Variants in IQGAP1 observed in about 807,000 individuals in gnomAD.
IQGAP1 encodes ras GTPase-activating-like protein IQGAP1.
In IQGAP1, 66 loss-of-function variants were observed where a neutral mutation model predicts 215.6. The ratio of observed to expected loss-of-function variants is 0.31; its 90% CI spans 0.25 to 0.38. The LOEUF (loss-of-function observed/expected upper bound fraction) is 0.38, where lower values mean the gene tolerates loss of function less well. Among genes scored for constraint, IQGAP1 ranks in the 10% least tolerant of loss-of-function variants. The pLI is 1.00. For synonymous variants in IQGAP1, 772 were observed against 728.7 expected (o/e 1.06, Z -0.96); for missense variants, 1,712 against 1,997.1 (o/e 0.86, Z 2.72).
At chr15:90,425,735 A>G (rs1247677348) in intron 2 of IQGAP1, among the ~76,000 whole-genome samples, 1 of 152,234 alleles carries the variant, frequency 6.6e-6, no homozygotes, top group Non-Finnish European at 1.5e-5. Flanking sequence ...AAGCTTCTGA[A>G]CAGTTGAAAT....
At chr15:90,484,817 G>C (rs1966105174) in intron 30 of IQGAP1, among the ~76,000 whole-genome samples, 1 of 152,048 alleles carries the variant, frequency 6.6e-6, no homozygotes, top group Admixed American at 6.6e-5. Context: ...CCTTTTGCTT[G>C]TTATTCTTAA....
At chr15:90,398,032 T>C (rs1442379030) in intron 2 of IQGAP1, among the ~76,000 whole-genome samples, 1 of 151,786 alleles carries the variant, frequency 6.6e-6, no homozygotes, top group Non-Finnish European at 1.5e-5. Flanking sequence ...TACAGGTGCC[T>C]ACCACCATAC....
intron 37 of IQGAP1, among the ~76,000 whole-genome samples, chr15:90,498,141 C>G (rs1421672758): frequency 6.6e-6 from 1 of 151,834 alleles, no homozygotes; most frequent in Admixed American, 6.6e-5. Flanking sequence ...GGTGGTTTCC[C>G]CTTCGCTTCT....
chr15:90,396,044 G>A (rs1255190570), intron 2 of IQGAP1, among the ~76,000 whole-genome samples: 1 of 152,218 alleles, frequency 6.6e-6, no homozygotes, highest in Non-Finnish European at 1.5e-5. Context: ...GAGACTGTCA[G>A]CAACTCCACG....
chr15:90,483,964 G>C (rs975903152), intron 29 of IQGAP1, among the ~76,000 whole-genome samples: 1 of 152,152 alleles, frequency 6.6e-6, no homozygotes, highest in African/African-American at 2.4e-5. Context: ...TTCTCCTAAT[G>C]GTGTCTGGAA....
intron 18 of IQGAP1, among the ~76,000 whole-genome samples, chr15:90,470,427 T>C (rs1965889513): frequency 1.3e-5 from 2 of 152,208 alleles, no homozygotes; most frequent in South Asian, 2.1e-4. Flanking sequence ...AAGGCTCTGA[T>C]TCTAGTGCGA....
At chr15:90,456,915 T>G (rs1965690385) in intron 15 of IQGAP1, among the ~76,000 whole-genome samples, 1 of 142,688 alleles carries the variant, frequency 7.0e-6, no homozygotes, top group African/African-American at 2.7e-5. Context: ...TATATATGTG[T>G]GTGTGTGTGT....
intron 15 of IQGAP1, 40 bp from the exon 16 acceptor site, chr15:90,465,961 G>A (rs779887571): frequency 1.3e-6 from 2 of 1,507,136 alleles, no homozygotes; most frequent in South Asian, 1.1e-5. Context: ...CATGTACCCT[G>A]ATTTCATGAC....
intron 5 of IQGAP1, among the ~76,000 whole-genome samples, 196 bp from the exon 6 acceptor site, chr15:90,439,136 C>T (rs1214244340): frequency 2.1e-5 from 3 of 145,908 alleles, no homozygotes; most frequent in Admixed American, 6.8e-5. Flanking sequence ...CTTTTTAGGA[C>T]AATGTTGTCA....
rs1024331911 is a variant in IQGAP1 at position 90,486,020 on chromosome 15, G to T, written c.3922-10G>T. On this transcript the variant is annotated splice_polypyrimidine_tract_variant and intron_variant, in intron 30 of 37. Transcript: ENST00000268182. Reference sequence around the variant, plus strand: ...AATGTATAAATGGAGTTGATCATTGGTGTTTGCAGCTCCTGTTGGATCACC... The same window carrying T: ...AATGTATAAATGGAGTTGATCATTGTTGTTTGCAGCTCCTGTTGGATCACC... 1.9e-6 allele frequency: 3 copies of T among 1,605,432 alleles called. No homozygotes were observed. Among genetic ancestry groups the T allele is most frequent in the African/African-American group, 1.3e-5 (1 of 74,856 alleles).
rs769659424 is a variant in IQGAP1 at position 90,433,805 on chromosome 15, T to G, written c.467+10T>G. The G allele has an allele frequency of 1.0e-5, 16 of 1,538,774 alleles. No individual in the cohort carries two copies. The highest frequency in any genetic ancestry group is 8.9e-6 in the Non-Finnish European group (10 of 1,123,160). ...GTATCCATGCACTCAGGTAGTCAAA[T>G]TTTCTTGGCAAAATAAGGAAATTAT... On this transcript the variant is annotated intron_variant, in intron 5 of 37. Coordinates refer to ENST00000268182, the MANE Select transcript of IQGAP1 (RefSeq NM_003870.4).
chr15:90,463,623 G>A (rs955975193), intron 15 of IQGAP1, among the ~76,000 whole-genome samples: 10 of 152,174 alleles, frequency 6.6e-5, no homozygotes, highest in African/African-American at 2.2e-4. Flanking sequence ...AATAGAAAGC[G>A]ACTAGTGGTA....
At chr15:90,404,448 C>G (rs543168908) in intron 2 of IQGAP1, among the ~76,000 whole-genome samples, 120 of 152,276 alleles carry the variant, frequency 7.9e-4, no homozygotes, top group African/African-American at 2.8e-3. Flanking sequence ...TTTGTATGTT[C>G]TTTTCTGTGA....
chr15:90,455,587 C>T (rs1021555835), intron 14 of IQGAP1, among the ~76,000 whole-genome samples: 5 of 152,144 alleles, frequency 3.3e-5, no homozygotes, highest in African/African-American at 9.7e-5. Context: ...GGGGAGTGAA[C>T]GTTCCTAATT....
chr15:90,430,983 C>T (rs985349123), intron 4 of IQGAP1, among the ~76,000 whole-genome samples: 1 of 145,976 alleles, frequency 6.9e-6, no homozygotes, highest in Non-Finnish European at 1.5e-5. Flanking sequence ...TATAATTTTA[C>T]AATATTATAT....
chr15:90,474,521 A>T lies in IQGAP1; in HGVS notation c.2612A>T (p.Lys871Ile). The change falls in exon 23 of 38, where the codon AAA becomes ATA. Residue 871 changes from lysine to isoleucine, a missense_variant. Physicochemically the swap from Lys to Ile is moderately radical, Grantham distance 102. This residue lies in a region of IQGAP1 where 1,021 missense variants were observed against 1,074.2 expected (regional missense o/e 0.95). Coordinates refer to ENST00000268182, the MANE Select transcript of IQGAP1 (RefSeq NM_003870.4). ...GATCCTCCTATGGTTGTGGTCCGAA[A>T]ATTTGTCCACCTGCTGGACCAAAGT... is the stretch of plus-strand genomic sequence containing the variant. ...AEDPPMVVVR[K>I]FVHLLDQSDQ... The T allele has an allele frequency of 2.5e-6, 4 of 1,614,130 alleles. No homozygotes were observed. Among genetic ancestry groups the T allele is most frequent in the Non-Finnish European group, 1.7e-6 (2 of 1,180,014 alleles).
chr15:90,474,200 C>A, intron 22 of IQGAP1, 67 bp downstream of exon 22: 3 of 1,356,654 alleles, frequency 2.2e-6, no homozygotes, highest in Non-Finnish European at 2.0e-6. Context: ...AGGGTATTCT[C>A]CACAGACCTC....
intron 2 of IQGAP1, among the ~76,000 whole-genome samples, chr15:90,404,278 C>T (rs1043630040): frequency 5.3e-5 from 8 of 152,212 alleles, no homozygotes; most frequent in African/African-American, 1.9e-4. Context: ...CAATAATGTA[C>T]ATATAAGAAG....
rs201215831 is a variant in IQGAP1, at chr15:90,484,250, A to T, written c.3819A>T (p.Pro1273=). The change falls in exon 30 of 38, where the codon CCA becomes CCT. Residue 1273 remains proline, a synonymous_variant. Coordinates refer to ENST00000268182, the MANE Select transcript of IQGAP1 (RefSeq NM_003870.4). ...RRFFQTACDV[P]ELQDKFNVDE... is the part of the protein sequence containing the mutation. ...TTTTCCAAACTGCTTGTGATGTCCC[A>T]GAGCTTCAGGATAAATTTAATGTGG... is the stretch of plus-strand genomic sequence containing the variant. 3.7e-6 allele frequency: 6 copies of T among 1,613,890 alleles called. No individual in the cohort carries two copies. Among genetic ancestry groups the T allele is most frequent in the Non-Finnish European group, 5.1e-6 (6 of 1,179,950 alleles).
Sources: gnomAD v4.1 joint callset for allele counts (sites outside exome capture counted in the v4.1 genomes callset) on GRCh38, gnomAD v4.1.1 for gene constraint, gnomAD v4.1.1 regional missense constraint, MANE v1.5 for transcripts, NCBI Gene and HGNC (gene_info 2026-07-23, HGNC 2026-07-21) for gene names.